Variants in SLC25A48 observed in about 807,000 individuals in gnomAD.
SLC25A48 encodes the protein solute carrier family 25 member 48, also known as CTC-321K16.1.
SLC25A48 carries 29 observed loss-of-function variants against 32.2 expected under a neutral mutation model. The ratio of observed to expected loss-of-function variants is 0.90; its 90% CI spans 0.67 to 1.23. The LOEUF is 1.23. Ranked by LOEUF, SLC25A48 falls within the 50% of genes most tolerant of loss-of-function variation. The pLI is 0.00. For synonymous variants in SLC25A48, 164 were observed against 172.3 expected (o/e 0.95, Z 0.38); for missense variants, 399 against 422.7 (o/e 0.94, Z 0.49).
rs768313855 is a variant in SLC25A48 at position 135,834,909 on chromosome 5, G to C, written c.46+16G>C. 2.5e-6 allele frequency: 4 copies of C among 1,598,630 alleles called. No individual in the cohort carries two copies. In the African/African-American group the frequency reaches 4.0e-5, roughly 16 times the overall value. On this transcript the variant is annotated intron_variant, in intron 1 of 7. Transcript: ENST00000681962. Reference sequence around the variant, plus strand: ...TGGATCGGAGGTGAGTGTGCTTACCGGGGACCCCCGGTCAGAGAGAGCGAG... The same window carrying C: ...TGGATCGGAGGTGAGTGTGCTTACCCGGGACCCCCGGTCAGAGAGAGCGAG...
In SLC25A48 at chr5:135,834,752, T is replaced by C; in HGVS notation, c.-96T>C. The C allele has an allele frequency of 7.4e-7, 1 of 1,345,730 alleles. No homozygotes were observed. The highest frequency in any genetic ancestry group is 1.0e-6 in the Non-Finnish European group (1 of 996,212). The allele number at this position is 1,345,730 out of a possible 1,614,324, so 83.4% of individuals were successfully genotyped here. A position where few individuals can be genotyped will look rare whatever the true frequency, so the allele number is the denominator to read the frequency against. ...CCTGCGGCGTGCTCGAGACTCCGACTTCGGTCTTGCGGCGCGCTCGCGCCC... is the reference window on the plus strand; with the variant it reads ...CCTGCGGCGTGCTCGAGACTCCGACCTCGGTCTTGCGGCGCGCTCGCGCCC... On this transcript the variant is annotated 5_prime_UTR_variant, in exon 1 of 8. Coordinates refer to ENST00000681962, the MANE Select transcript of SLC25A48 (RefSeq NM_001349336.2).
intron 3 of SLC25A48, among the ~76,000 whole-genome samples, chr5:135,673,209 T>G (rs1316314618): frequency 6.6e-6 from 1 of 152,228 alleles, no homozygotes; most frequent in African/African-American, 2.4e-5. Flanking sequence ...AATCTTTGTG[T>G]GAAAATGTAT....
chr5:135,685,633 A>T (rs963476854), intron 3 of SLC25A48, among the ~76,000 whole-genome samples: 1 of 152,086 alleles, frequency 6.6e-6, no homozygotes, highest in Non-Finnish European at 1.5e-5. Context: ...GGGTTTCACC[A>T]TGTTGGTTTC....
chr5:135,673,752 T>G (rs1440042126), intron 3 of SLC25A48, among the ~76,000 whole-genome samples: 2 of 152,212 alleles, frequency 1.3e-5, no homozygotes, highest in Non-Finnish European at 2.9e-5. Flanking sequence ...TTTGTGTTTT[T>G]GTATTATATT....
intron 4 of SLC25A48, among the ~76,000 whole-genome samples, chr5:135,854,699 A>G (rs1262731190): frequency 6.6e-6 from 1 of 152,204 alleles, no homozygotes; most frequent in African/African-American, 2.4e-5. Context: ...AGCAATAAGG[A>G]TATTTCACTA....
chr5:135,791,342 T>G lies in SLC25A48; in HGVS notation c.-520-21181T>G, dbSNP rs140955816. 5.4e-3 allele frequency among the ~76,000 whole-genome samples: 816 copies of G among 152,002 alleles called. 7 individuals carry two copies. Among genetic ancestry groups the G allele is most frequent in the African/African-American group, 0.019 (778 of 41,478 alleles). ...CACAGGTGATCTATAACTTGTGATA[T>G]TATTTGTTATATTCTAGGATGATGT... On this transcript the variant is annotated intron_variant, in intron 3 of 10. Transcript: ENST00000646290.
intron 1 of SLC25A48, among the ~76,000 whole-genome samples, chr5:135,587,149 G>C (rs934384095): frequency 6.6e-6 from 1 of 152,120 alleles, no homozygotes; most frequent in Admixed American, 6.5e-5. Context: ...TCCCACCTCA[G>C]CCTCCCAAGC....
At chr5:135,757,708 A>G (rs1033940659) in intron 3 of SLC25A48, among the ~76,000 whole-genome samples, 1 of 149,958 alleles carries the variant, frequency 6.7e-6, no homozygotes, top group African/African-American at 2.4e-5. Context: ...TATCATCTAG[A>G]TGATATTTAT....
intron 2 of SLC25A48, among the ~76,000 whole-genome samples, chr5:135,634,384 G>A (rs1752649172): frequency 6.6e-6 from 1 of 152,234 alleles, no homozygotes; most frequent in Non-Finnish European, 1.5e-5. Context: ...GTGACCCAAG[G>A]AGTGGAAGTT....
chr5:135,887,690 T>C (rs1762784966), intron 7 of SLC25A48, among the ~76,000 whole-genome samples: 4 of 151,966 alleles, frequency 2.6e-5, no homozygotes, highest in Admixed American at 2.6e-4. Context: ...CCCTTGGCGT[T>C]GCCCTTTTCC....
intron 3 of SLC25A48, among the ~76,000 whole-genome samples, chr5:135,735,087 C>T (rs897399894): frequency 1.3e-5 from 2 of 152,156 alleles, no homozygotes; most frequent in Non-Finnish European, 2.9e-5. Context: ...TAGGAGGAAT[C>T]CCAGGCTGAG....
chr5:135,699,194 A>G (rs551581214), intron 3 of SLC25A48, among the ~76,000 whole-genome samples: 2 of 152,376 alleles, frequency 1.3e-5, no homozygotes, highest in East Asian at 3.8e-4. Context: ...AAGTAAAAAC[A>G]TATGTCCGTA....
At chr5:135,836,622 G>T (rs1758533331) in intron 1 of SLC25A48, among the ~76,000 whole-genome samples, 2 of 152,132 alleles carry the variant, frequency 1.3e-5, no homozygotes, top group South Asian at 4.1e-4. Context: ...GAAGTTGAAT[G>T]CTGTTCCCTC....
chr5:135,802,116 C>T (rs1052399828), intron 3 of SLC25A48, among the ~76,000 whole-genome samples: 2 of 151,778 alleles, frequency 1.3e-5, no homozygotes, highest in African/African-American at 4.8e-5. Flanking sequence ...AGATATTACT[C>T]CCAATACCCT....
intron 3 of SLC25A48, among the ~76,000 whole-genome samples, chr5:135,691,190 G>C (rs1249374870): frequency 6.6e-6 from 1 of 152,166 alleles, no homozygotes; most frequent in East Asian, 1.9e-4. Context: ...ACCTGGAAAA[G>C]GCAATTAAGC....
intron 3 of SLC25A48, among the ~76,000 whole-genome samples, chr5:135,807,977 G>A (rs549417099): frequency 3.3e-5 from 5 of 149,610 alleles, no homozygotes; most frequent in South Asian, 4.2e-4. Flanking sequence ...TTAACACAAG[G>A]TCATGTAAAT....
At chr5:135,587,910 G>C (rs955764192) in intron 1 of SLC25A48, among the ~76,000 whole-genome samples, 2 of 152,204 alleles carry the variant, frequency 1.3e-5, no homozygotes, top group African/African-American at 4.8e-5. Flanking sequence ...TGTGAAACTT[G>C]TGCTGAAGGG....
intron 4 of SLC25A48, among the ~76,000 whole-genome samples, chr5:135,821,497 C>T (rs1199718286): frequency 6.6e-6 from 1 of 152,184 alleles, no homozygotes; most frequent in Non-Finnish European, 1.5e-5. Context: ...CCCTTCCTGA[C>T]CATCTACTGG....
chr5:135,620,193 C>T (rs531687700), intron 1 of SLC25A48, among the ~76,000 whole-genome samples: 1 of 152,238 alleles, frequency 6.6e-6, no homozygotes, highest in Non-Finnish European at 1.5e-5. Flanking sequence ...GGTGGCTGCC[C>T]ACTATGTTGG....
Sources: gnomAD v4.1 joint callset for allele counts (sites outside exome capture counted in the v4.1 genomes callset) on GRCh38, gnomAD v4.1.1 for gene constraint, MANE v1.5 for transcripts, NCBI Gene and HGNC (gene_info 2026-07-23, HGNC 2026-07-21) for gene names.